Variants in SYTL3 observed in about 807,000 individuals in gnomAD.
SYTL3 encodes the protein synaptotagmin like 3.
In SYTL3, 88 loss-of-function variants were observed where a neutral mutation model predicts 82.1. The ratio of observed to expected loss-of-function variants is 1.07; its 90% confidence interval spans 0.90 to 1.28. The LOEUF (loss-of-function observed/expected upper bound fraction) is 1.28. SYTL3 is among the 50% of genes most tolerant of loss of function. SYTL3 has a pLI of 0.00. For synonymous variants in SYTL3, 311 were observed against 289.4 expected (o/e 1.07, Z -0.76); for missense variants, 831 against 757.6 (o/e 1.10, Z -1.14).
chr6:158,699,972 T>C (rs927485628), intron 6 of SYTL3, among the ~76,000 whole-genome samples: 2 of 132,988 alleles, frequency 1.5e-5, no homozygotes, highest in African/African-American at 2.9e-5. Flanking sequence ...AAAAAATAAA[T>C]AGGCTGGATG....
At chr6:158,650,454 C>G (rs1041393996) in intron 1 of SYTL3, among the ~76,000 whole-genome samples, 2 of 151,820 alleles carry the variant, frequency 1.3e-5, no homozygotes, top group Non-Finnish European at 2.9e-5. Context: ...TTTGCTCTCT[C>G]TGAATCGACT....
At chr6:158,698,242 CA>C (rs1284602814) in intron 6 of SYTL3, among the ~76,000 whole-genome samples, 2 of 151,980 alleles carry the variant, frequency 1.3e-5, no homozygotes, top group African/African-American at 2.4e-5. Context: ...ACTAAAAATA[CA>C]AAAATTAGCT....
chr6:158,715,210 A>G (rs1473923225), intron 9 of SYTL3, among the ~76,000 whole-genome samples: 2 of 151,948 alleles, frequency 1.3e-5, no homozygotes, highest in African/African-American at 2.4e-5. Flanking sequence ...ATGTCTTTCT[A>G]GGTGCACAGC....
At chr6:158,725,140 A>C (rs976111773) in intron 10 of SYTL3, among the ~76,000 whole-genome samples, 1 of 152,264 alleles carries the variant, frequency 6.6e-6, no homozygotes, top group Non-Finnish European at 1.5e-5. Flanking sequence ...AACTCTGCTT[A>C]TCAGGCTAAT....
chr6:158,742,913 G>A (rs1457297351), intron 11 of SYTL3, among the ~76,000 whole-genome samples: 1 of 151,998 alleles, frequency 6.6e-6, no homozygotes, highest in Non-Finnish European at 1.5e-5. Context: ...AAGCTTCTCG[G>A]CCCCTCAGCC....
intron 6 of SYTL3, 98 bp from the exon 7 acceptor site, chr6:158,707,132 G>A: frequency 8.2e-7 from 1 of 1,218,748 alleles, no homozygotes; most frequent in South Asian, 1.3e-5. Flanking sequence ...CACAAGAAAT[G>A]ATACTAGAGA....
At chr6:158,724,513 A>T (rs1379694842) in intron 10 of SYTL3, among the ~76,000 whole-genome samples, 1 of 152,144 alleles carries the variant, frequency 6.6e-6, no homozygotes, top group Non-Finnish European at 1.5e-5. Flanking sequence ...CACCTTGCCC[A>T]TTGTGTTCCA....
intron 13 of SYTL3, among the ~76,000 whole-genome samples, chr6:158,755,130 C>G (rs1413488199): frequency 6.6e-6 from 1 of 152,080 alleles, no homozygotes; most frequent in Non-Finnish European, 1.5e-5. Context: ...AGGGCTTGAG[C>G]CCAGGAGTTC....
intron 10 of SYTL3, among the ~76,000 whole-genome samples, chr6:158,719,778 G>A (rs1017362932): frequency 5.3e-5 from 8 of 152,182 alleles, no homozygotes; most frequent in Non-Finnish European, 7.3e-5. Context: ...AAATACCGTG[G>A]TAGACATTGT....
At chr6:158,673,544 A>G (rs1207845792) in intron 5 of SYTL3, among the ~76,000 whole-genome samples, 9 of 148,182 alleles carry the variant, frequency 6.1e-5, no homozygotes, top group Non-Finnish European at 3.0e-5. Context: ...GGTTCACGCC[A>G]TTCTCCTGTC....
chr6:158,674,907 C>G (rs999919488), intron 5 of SYTL3, among the ~76,000 whole-genome samples: 1 of 151,936 alleles, frequency 6.6e-6, no homozygotes, highest in South Asian at 2.1e-4. Context: ...GTTGTCTCCC[C>G]TCCCAGCCCC....
chr6:158,660,655 C>T (rs1249401353), intron 2 of SYTL3, among the ~76,000 whole-genome samples: 1 of 152,168 alleles, frequency 6.6e-6, no homozygotes, highest in African/African-American at 2.4e-5. Flanking sequence ...GCTATGTGGT[C>T]CTGCTTACCT....
chr6:158,756,253 G>A (rs1360798707), intron 13 of SYTL3, among the ~76,000 whole-genome samples: 2 of 152,196 alleles, frequency 1.3e-5, no homozygotes, highest in East Asian at 3.9e-4. Flanking sequence ...ACTCTTGGGT[G>A]TGTTGGGAGC....
At chr6:158,667,485 T>C (rs765930321) in intron 5 of SYTL3, among the ~76,000 whole-genome samples, 28 of 152,312 alleles carry the variant, frequency 1.8e-4, no homozygotes, top group Non-Finnish European at 2.9e-4. Flanking sequence ...CCCTCTGTCC[T>C]CTCTCCAGCT....
intron 5 of SYTL3, among the ~76,000 whole-genome samples, chr6:158,678,038 C>CA (rs1402950842): frequency 1.3e-5 from 2 of 152,168 alleles, no homozygotes; most frequent in African/African-American, 4.8e-5. Context: ...TACTGGCGTG[C>CA]ACCACCATGT....
chr6:158,713,257 T>C (rs183795929), intron 8 of SYTL3, among the ~76,000 whole-genome samples: 1 of 152,234 alleles, frequency 6.6e-6, no homozygotes, highest in East Asian at 1.9e-4. Flanking sequence ...GATGGATGAA[T>C]GAATGAGACT....
Position 158,663,189 on chromosome 6 carries a change from C to T in SYTL3, c.-80C>T, listed in dbSNP as rs538985088. On this transcript the variant is annotated 5_prime_UTR_variant, in exon 4 of 18. Coordinates refer to ENST00000611299, the MANE Select transcript of SYTL3 (RefSeq NM_001242394.2). ...AACAAGGCTGGCTGCAGCTGGCCTCCGCCGCTCATCTGCAGGGCGTGAGCG... is the reference window on the plus strand; with the variant it reads ...AACAAGGCTGGCTGCAGCTGGCCTCTGCCGCTCATCTGCAGGGCGTGAGCG... The T allele has an allele frequency of 2.2e-5, 28 of 1,295,912 alleles. 1 individual carries two copies. The highest frequency in any genetic ancestry group is 1.9e-4 in the Middle Eastern group (1 of 5,182). The allele number at this position is 1,295,912 out of a possible 1,614,324, so 80.3% of individuals were successfully genotyped here.
At chr6:158,745,785 GTAT>G (rs1787559795) in intron 12 of SYTL3, 127 bp downstream of exon 12, 1 of 777,886 alleles carries the variant, frequency 1.3e-6, no homozygotes, top group Non-Finnish European at 2.0e-6. Context: ...CTTACTTCAA[GTAT>G]TATTATAAAG....
rs561749871 is a variant in SYTL3, at chr6:158,703,109, G to A, written c.395-4121G>A. Among the ~76,000 whole-genome samples, 7 of 145,270 alleles carry A rather than the reference G, an allele frequency of 4.8e-5. No individual in the cohort carries two copies. The East Asian group carries it at 6.1e-4, about 13-fold the overall frequency. ...GCGGAGGTTGCAGTGAGCCAAGATC[G>A]TGCCACTGTACTCCAGCCTGGGCGA... On this transcript the variant is annotated intron_variant, in intron 6 of 17. Transcript: ENST00000611299.
Sources: gnomAD v4.1 joint callset for allele counts (sites outside exome capture counted in the v4.1 genomes callset) on GRCh38, gnomAD v4.1.1 for gene constraint, MANE v1.5 for transcripts, NCBI Gene and HGNC (gene_info 2026-07-23, HGNC 2026-07-21) for gene names.